Variants in PLEKHG1 observed in about 807,000 individuals in gnomAD.
PLEKHG1 encodes pleckstrin homology and RhoGEF domain containing G1, also known as pleckstrin homology domain-containing family G member 1.
In PLEKHG1, 44 loss-of-function variants were observed where a neutral mutation model predicts 100.8. That is an observed-to-expected ratio of 0.44 (90% confidence interval 0.34 to 0.56). The LOEUF is 0.56. PLEKHG1 is among the 20% of genes least tolerant of loss of function. PLEKHG1 has a pLI of 0.01. For missense variants in PLEKHG1, 1,545 were observed against 1,720.9 expected, an observed-to-expected ratio of 0.90 and a Z score of 1.81; for synonymous variants, 640 against 662.5, an observed-to-expected ratio of 0.97 and a Z score of 0.52.
At chr6:150,636,530 T>C (rs1182765346) in intron 1 of PLEKHG1, among the ~76,000 whole-genome samples, 1 of 152,088 alleles carries the variant, frequency 6.6e-6, no homozygotes, top group Non-Finnish European at 1.5e-5. Context: ...TCCTTTTCTG[T>C]GATCATTCAT....
chr6:150,696,442 A>T (rs1780547230), intron 3 of PLEKHG1, among the ~76,000 whole-genome samples: 1 of 152,206 alleles, frequency 6.6e-6, no homozygotes, highest in African/African-American at 2.4e-5. Flanking sequence ...ACATTTGATC[A>T]TCTTGCATTA....
At position 150,796,531 on chromosome 6, in the gene PLEKHG1, C is replaced by T. The variant is rs78316338; in HGVS notation, c.629+629C>T. On this transcript the variant is annotated intron_variant, in intron 5 of 15. Coordinates refer to ENST00000358517, the Ensembl canonical transcript of PLEKHG1. ...TTGGGCCTAAGATGATGGGCTACAA[C>T]GGTAGGAATTTCTTTTTTTCTCCAG... Among the ~76,000 whole-genome samples, 1,051 of 152,272 alleles carry T rather than the reference C, an allele frequency of 6.9e-3. 15 individuals carry two copies. Among genetic ancestry groups the T allele is most frequent in the African/African-American group, 0.024 (985 of 41,546 alleles).
rs1200487031 is a variant in PLEKHG1, at chr6:150,749,268, A to G, written c.411+15176A>G. On this transcript the variant is annotated intron_variant, in intron 2 of 15. Transcript: ENST00000358517. ...TGTCAATGAAATTTTCTGGAAACATACTTGATTGCCCAGTTGTCTACATCT... is the reference window on the plus strand; with the variant it reads ...TGTCAATGAAATTTTCTGGAAACATGCTTGATTGCCCAGTTGTCTACATCT... 2.0e-5 allele frequency among the ~76,000 whole-genome samples: 3 copies of G among 152,178 alleles called. No individual in the cohort carries two copies. The East Asian group carries it at 5.8e-4, about 29-fold the overall frequency.
intron 3 of PLEKHG1, among the ~76,000 whole-genome samples, chr6:150,654,696 C>T (rs9480510): frequency 0.053 from 8,128 of 152,310 alleles, 726 homozygotes; most frequent in African/African-American, 0.18. Context: ...TTCTAGGTGA[C>T]CTTGCTACTG....
At chr6:150,784,964 G>A (rs1006199503) in intron 3 of PLEKHG1, among the ~76,000 whole-genome samples, 12 of 151,226 alleles carry the variant, frequency 7.9e-5, no homozygotes, top group African/African-American at 1.5e-4. Context: ...ACTACCCAGC[G>A]CTTCAGAAAG....
At chr6:150,645,681 CATA>C (rs1778464064) in intron 2 of PLEKHG1, among the ~76,000 whole-genome samples, 1 of 152,062 alleles carries the variant, frequency 6.6e-6, no homozygotes, top group Non-Finnish European at 1.5e-5. Context: ...AAATTTAAAC[CATA>C]ATAATACCAT....
intron 15 of PLEKHG1, among the ~76,000 whole-genome samples, chr6:150,836,363 G>A (rs1777220378): frequency 6.6e-6 from 1 of 152,114 alleles, no homozygotes; most frequent in Admixed American, 6.5e-5. Flanking sequence ...GGGCAACAGA[G>A]TGAGACTCCA....
At chr6:150,804,176 T>TATATATATATATATATATA (rs55868220) in intron 6 of PLEKHG1, among the ~76,000 whole-genome samples, 39 of 24,756 alleles carry the variant, frequency 1.6e-3, no homozygotes, top group South Asian at 2.4e-3. Flanking sequence ...TATATATATA[T>TATATATATATATATATATA]TTTTTTTTTT....
intron 3 of PLEKHG1, among the ~76,000 whole-genome samples, chr6:150,693,739 A>G (rs935443372): frequency 1.3e-5 from 2 of 152,186 alleles, no homozygotes; most frequent in Non-Finnish European, 2.9e-5. Flanking sequence ...TATATGGCCC[A>G]TGTTGTTATG....
chr6:150,751,841 C>T (rs1452201294), intron 2 of PLEKHG1, among the ~76,000 whole-genome samples: 7 of 152,128 alleles, frequency 4.6e-5, no homozygotes, highest in Admixed American at 4.6e-4. Flanking sequence ...AAATCCTTAC[C>T]GATGAGCCTA....
intron 2 of PLEKHG1, among the ~76,000 whole-genome samples, chr6:150,740,288 C>G (rs2128621829): frequency 6.6e-6 from 1 of 152,280 alleles, no homozygotes; most frequent in South Asian, 2.1e-4. Flanking sequence ...GCTAGAGAGA[C>G]AAAATTGTTT....
At chr6:150,717,315 C>T (rs892698007), upstream of PLEKHG1, among the ~76,000 whole-genome samples, 5 of 152,028 alleles carry the variant, frequency 3.3e-5, no homozygotes, top group African/African-American at 9.7e-5. Flanking sequence ...GCTGGGATTA[C>T]AGGCATGAGC....
At chr6:150,611,188 G>A (rs1483209647) in intron 1 of PLEKHG1, among the ~76,000 whole-genome samples, 1 of 152,144 alleles carries the variant, frequency 6.6e-6, no homozygotes, top group Non-Finnish European at 1.5e-5. Flanking sequence ...ACTGTATAGT[G>A]GAATTTGCAG....
intron 15 of PLEKHG1, among the ~76,000 whole-genome samples, chr6:150,834,212 A>G (rs1206677610): frequency 6.6e-6 from 1 of 152,206 alleles, no homozygotes; most frequent in Non-Finnish European, 1.5e-5. Context: ...GCCATGATGC[A>G]CTATGAGTAA....
chr6:150,661,745 T>G (rs933853422), intron 3 of PLEKHG1, among the ~76,000 whole-genome samples: 2 of 152,312 alleles, frequency 1.3e-5, no homozygotes, highest in East Asian at 3.9e-4. Flanking sequence ...GCTGTGAAAC[T>G]ATAGTGATAT....
intron 1 of PLEKHG1, among the ~76,000 whole-genome samples, chr6:150,732,268 T>C (rs1782309235): frequency 6.6e-6 from 1 of 152,248 alleles, no homozygotes; most frequent in East Asian, 1.9e-4. Context: ...AGTTCCTATA[T>C]GCGTCATATA....
chr6:150,839,902 A>C, exon 16 of PLEKHG1: 1 of 1,614,050 alleles, frequency 6.2e-7, no homozygotes. Context: ...TTGAAAATTC[A>C]GAAGGATGGC....
chr6:150,773,586 C>G (rs1324940747), intron 3 of PLEKHG1, among the ~76,000 whole-genome samples: 1 of 152,210 alleles, frequency 6.6e-6, no homozygotes, highest in Non-Finnish European at 1.5e-5. Context: ...GGTCTGTGTT[C>G]TCTTTCACTG....
chr6:150,843,164 C>T (rs1468059325), exon 16 of PLEKHG1: 1 of 152,200 alleles, frequency 6.6e-6, no homozygotes, highest in Non-Finnish European at 1.5e-5. Flanking sequence ...TTCTGTCTGA[C>T]TCTCAGAAAT....
Sources: gnomAD v4.1 joint callset for allele counts (sites outside exome capture counted in the v4.1 genomes callset) on GRCh38, gnomAD v4.1.1 for gene constraint, MANE v1.5 for transcripts, NCBI Gene and HGNC (gene_info 2026-07-23, HGNC 2026-07-21) for gene names.